Variants in MDGA2 observed in about 807,000 individuals in gnomAD.
MDGA2 encodes the protein MAM domain containing glycosylphosphatidylinositol anchor 2.
A neutral mutation model predicts 117.8 loss-of-function variants in MDGA2; 40 were observed. That is an observed-to-expected ratio of 0.34 (90% CI 0.26 to 0.44). MDGA2 has a LOEUF of 0.44. Among genes scored for constraint, MDGA2 ranks in the 20% least tolerant of loss-of-function variants. The pLI, the probability that MDGA2 is intolerant of heterozygous loss-of-function variation, is 1.00. For missense variants in MDGA2, 1,123 were observed against 1,250.6 expected (o/e 0.90, Z 1.54); for synonymous variants, 452 against 439.0 (o/e 1.03, Z -0.37).
chr14:46,883,392 T>C (rs1882541539), intron 10 of MDGA2, among the ~76,000 whole-genome samples: 1 of 152,010 alleles, frequency 6.6e-6, no homozygotes, highest in South Asian at 2.1e-4. Flanking sequence ...TCAACTCCTA[T>C]TTATAATAAA....
chr14:47,285,544 A>G (rs925689328), intron 2 of MDGA2, among the ~76,000 whole-genome samples: 5 of 152,148 alleles, frequency 3.3e-5, no homozygotes, highest in African/African-American at 1.2e-4. Flanking sequence ...TGCTGTTGTC[A>G]AAAGTAATGT....
chr14:47,090,807 T>TGA (rs1244284750), intron 6 of MDGA2, among the ~76,000 whole-genome samples: 1 of 152,114 alleles, frequency 6.6e-6, no homozygotes, highest in Non-Finnish European at 1.5e-5. Flanking sequence ...GAGACAAGAA[T>TGA]GAGAGAGAGA....
intron 2 of MDGA2, among the ~76,000 whole-genome samples, chr14:47,258,989 A>G (rs1428931347): frequency 1.3e-5 from 2 of 152,126 alleles, no homozygotes; most frequent in Non-Finnish European, 2.9e-5. Flanking sequence ...TATATCTTCA[A>G]TTATGTTGAA....
chr14:47,209,659 T>C (rs1885812522), intron 3 of MDGA2, among the ~76,000 whole-genome samples: 1 of 152,202 alleles, frequency 6.6e-6, no homozygotes, highest in South Asian at 2.1e-4. Flanking sequence ...AGCTCTTTTA[T>C]TAGGAACTCT....
At chr14:47,338,876 A>C (rs756179622) in intron 1 of MDGA2, among the ~76,000 whole-genome samples, 31 of 152,270 alleles carry the variant, frequency 2.0e-4, no homozygotes, top group Non-Finnish European at 4.0e-4. Context: ...GTTAAGCAAC[A>C]TTAAGGATAC....
intron 1 of MDGA2, among the ~76,000 whole-genome samples, chr14:47,313,452 C>CTTTTG (rs55738625): frequency 0.071 from 10,699 of 151,688 alleles, 470 homozygotes; most frequent in Middle Eastern, 0.12. Flanking sequence ...TCTTCTTCCT[C>CTTTTG]TTTTGTTTTG....
chr14:46,916,795 T>C (rs1762795093), intron 10 of MDGA2, among the ~76,000 whole-genome samples: 1 of 151,962 alleles, frequency 6.6e-6, no homozygotes, highest in South Asian at 2.1e-4. Context: ...TTCTCTCCCA[T>C]GGAAAGAGTA....
intron 1 of MDGA2, among the ~76,000 whole-genome samples, chr14:47,496,803 C>T (rs959379441): frequency 6.6e-6 from 1 of 151,178 alleles, no homozygotes; most frequent in Non-Finnish European, 1.5e-5. Context: ...CATATATGCT[C>T]AGTAAAATAA....
chr14:46,976,276 A>C (rs1029395015), intron 8 of MDGA2, among the ~76,000 whole-genome samples: 6 of 152,108 alleles, frequency 3.9e-5, no homozygotes, highest in Admixed American at 3.3e-4. Context: ...ACAAACAAAA[A>C]ACAAAAACAC....
chr14:47,563,153 T>G (rs112437631), intron 1 of MDGA2, among the ~76,000 whole-genome samples: 109 of 152,296 alleles, frequency 7.2e-4, no homozygotes, highest in African/African-American at 2.5e-3. Context: ...GCTTGATGTC[T>G]GATTATGTGA....
At chr14:46,950,707 C>G (rs887586082) in intron 9 of MDGA2, among the ~76,000 whole-genome samples, 3 of 151,856 alleles carry the variant, frequency 2.0e-5, no homozygotes, top group African/African-American at 4.8e-5. Flanking sequence ...TTAGACTGCT[C>G]TTACTTCTGA....
intron 3 of MDGA2, among the ~76,000 whole-genome samples, chr14:47,199,609 T>A (rs1296278134): frequency 6.6e-6 from 1 of 152,112 alleles, no homozygotes; most frequent in Non-Finnish European, 1.5e-5. Flanking sequence ...GGATGAAGTC[T>A]ACTAATAAGA....
At chr14:47,218,374 TGTC>T (rs1886177994) in intron 2 of MDGA2, among the ~76,000 whole-genome samples, 179 bp from the exon 3 acceptor site, 1 of 152,176 alleles carries the variant, frequency 6.6e-6, no homozygotes, top group African/African-American at 2.4e-5. Flanking sequence ...TTTAATGTAA[TGTC>T]ATCATTGTAC....
chr14:47,012,118 G>GA (rs1887915516), intron 8 of MDGA2, among the ~76,000 whole-genome samples: 2 of 151,890 alleles, frequency 1.3e-5, no homozygotes, highest in South Asian at 2.1e-4. Context: ...CAAGATCAGA[G>GA]AAAAAAATGC....
At chr14:47,535,461 A>G (rs1269091416) in intron 1 of MDGA2, among the ~76,000 whole-genome samples, 1 of 152,198 alleles carries the variant, frequency 6.6e-6, no homozygotes, top group Non-Finnish European at 1.5e-5. Context: ...TGCTTTTGTG[A>G]AAGACTTTGA....
rs71112467 is a variant in MDGA2, at chr14:46,864,545, G to GTTTTTTTTTTTTTTTT, written c.2752+8872_2752+8887dup. Among the ~76,000 whole-genome samples, 18 of 51,480 alleles carry GTTTTTTTTTTTTTTTT rather than the reference G, an allele frequency of 3.5e-4. 3 individuals are homozygous for GTTTTTTTTTTTTTTTT. The highest frequency in any genetic ancestry group is 6.3e-4 in the Non-Finnish European group (16 of 25,448). The allele number at this position is 51,480 out of a possible 152,430, so 33.8% of individuals were successfully genotyped here. On this transcript the variant is annotated intron_variant, in intron 14 of 16. Transcript: ENST00000399232. ...TTTGTTGCGCTTTGCAGATATTGCT[G>GTTTTTTTTTTTTTTTT]TTTTTTTTTTTTTTTTTTTTTTTTT... is the stretch of plus-strand genomic sequence containing the variant.
intron 1 of MDGA2, among the ~76,000 whole-genome samples, chr14:47,482,485 G>T (rs1410039600): frequency 6.6e-5 from 10 of 152,046 alleles, no homozygotes; most frequent in Admixed American, 6.6e-4. Flanking sequence ...CCGGGCTTCA[G>T]CTGCCTCATT....
chr14:47,231,497 T>G lies in MDGA2; in HGVS notation c.421-13302A>C, dbSNP rs537451244. On this transcript the variant is annotated intron_variant, in intron 2 of 16. Coordinates refer to ENST00000399232, the MANE Select transcript of MDGA2 (RefSeq NM_001113498.3). ...TTAATTTAGGTAGATCAGGAAACCT[T>G]TCTCCAAGAACAAGTGAAAATGGAA... 2.0e-5 allele frequency among the ~76,000 whole-genome samples: 3 copies of G among 152,164 alleles called. No individual in the cohort carries two copies. In the South Asian group the frequency reaches 6.2e-4, roughly 32 times the overall value.
chr14:47,050,096 C>T (rs183528432), intron 7 of MDGA2, among the ~76,000 whole-genome samples: 23 of 152,032 alleles, frequency 1.5e-4, no homozygotes, highest in Admixed American at 1.3e-3. Context: ...TCTCTGGAGC[C>T]TAAAATCTCA....
Sources: allele counts gnomAD v4.1 joint callset (sites outside exome capture counted in the v4.1 genomes callset), GRCh38; gene constraint gnomAD v4.1.1; transcripts MANE v1.5; gene names NCBI Gene and HGNC (gene_info 2026-07-23, HGNC 2026-07-21).